The following MIPOL1 variants were observed in gnomAD, a reference collection of about 807,000 sequenced individuals.
MIPOL1 encodes mirror-image polydactyly gene 1 protein.
Under a neutral mutation model 60.9 loss-of-function variants are expected in MIPOL1, and 57 were observed. That is an observed-to-expected ratio of 0.94 (90% CI 0.76 to 1.17). The LOEUF is 1.17. Ranked by LOEUF, MIPOL1 falls within the 50% of genes most tolerant of loss-of-function variation. MIPOL1 has a pLI of 0.00. For synonymous variants in MIPOL1, 179 were observed against 168.8 expected, an observed-to-expected ratio of 1.06 and a Z score of -0.47; for missense variants, 551 against 511.6, an observed-to-expected ratio of 1.08 and a Z score of -0.74.
At chr14:37,469,343 A>G (rs1035138288) in intron 11 of MIPOL1, among the ~76,000 whole-genome samples, 1 of 152,086 alleles carries the variant, frequency 6.6e-6, no homozygotes, top group Non-Finnish European at 1.5e-5. Context: ...GGGGTGCTAC[A>G]TACTTTTAAA....
intron 11 of MIPOL1, among the ~76,000 whole-genome samples, chr14:37,425,789 T>G (rs1426457264): frequency 2.0e-5 from 3 of 151,834 alleles, no homozygotes; most frequent in Non-Finnish European, 4.4e-5. Flanking sequence ...GAAAAAAGAG[T>G]CAAATGTTAC....
intron 1 of MIPOL1, chr14:37,240,635 A>C (rs751841245): frequency 6.6e-6 from 1 of 152,176 alleles, no homozygotes; most frequent in Non-Finnish European, 1.5e-5. Flanking sequence ...AGTTTTGCTT[A>C]GGGCAAAACG....
chr14:37,237,604 A>T (rs983080953), intron 1 of MIPOL1, among the ~76,000 whole-genome samples: 31 of 152,094 alleles, frequency 2.0e-4, no homozygotes, highest in Non-Finnish European at 3.8e-4. Context: ...TTGACTTTTT[A>T]AAAAAAGTTT....
chr14:37,468,053 C>CAA (rs1231830627), intron 11 of MIPOL1, among the ~76,000 whole-genome samples: 12 of 101,788 alleles, frequency 1.2e-4, no homozygotes, highest in Admixed American at 6.9e-4. Context: ...GTCTCCATCT[C>CAA]AAAAAAAAAA....
At chr14:37,375,830 TC>T (rs2092761538) in intron 10 of MIPOL1, among the ~76,000 whole-genome samples, 1 of 152,046 alleles carries the variant, frequency 6.6e-6, no homozygotes, top group Non-Finnish European at 1.5e-5. Context: ...CAAGCAGTTC[TC>T]CTGCCTCAGC....
intron 3 of MIPOL1, chr14:37,265,209 T>A (rs532379431): frequency 1.3e-5 from 2 of 152,370 alleles, no homozygotes; most frequent in East Asian, 3.9e-4. Context: ...TTTGGCAGTT[T>A]GCTACTTCGC....
chr14:37,455,621 A>G (rs2094468464), intron 11 of MIPOL1, among the ~76,000 whole-genome samples: 1 of 152,012 alleles, frequency 6.6e-6, no homozygotes, highest in Non-Finnish European at 1.5e-5. Context: ...TCTCTTGTAA[A>G]TAACTTACTG....
intron 3 of MIPOL1, among the ~76,000 whole-genome samples, chr14:37,266,214 A>G (rs1489071443): frequency 1.3e-5 from 2 of 152,180 alleles, no homozygotes; most frequent in African/African-American, 4.8e-5. Flanking sequence ...AGGGGATCAC[A>G]AAATTTCACA....
intron 9 of MIPOL1, among the ~76,000 whole-genome samples, chr14:37,331,608 T>C (rs1234437214): frequency 6.6e-6 from 1 of 152,202 alleles, no homozygotes. Flanking sequence ...TAATTGTTTA[T>C]GTTGATTTTA....
rs141478117 is a variant in MIPOL1 at position 37,220,956 on chromosome 14, G to C, written c.-199+22852G>C. ...ACGCCCAGCTAATTGTTTTAAAAAA[G>C]TTTTTTCATAGAGATGGGGTCTTGC... On this transcript the variant is annotated intron_variant, in intron 1 of 12. Transcript: ENST00000684589. Among the ~76,000 whole-genome samples the C allele has an allele frequency of 6.2e-3, 947 of 151,924 alleles. 7 individuals are homozygous for C. Among genetic ancestry groups the C allele is most frequent in the African/African-American group, 0.02 (821 of 41,436 alleles).
intron 11 of MIPOL1, among the ~76,000 whole-genome samples, chr14:37,463,690 C>A (rs1341926897): frequency 6.6e-6 from 1 of 152,118 alleles, no homozygotes; most frequent in Non-Finnish European, 1.5e-5. Flanking sequence ...TTCCGGACAT[C>A]AGCCTAAGCA....
chr14:37,546,505 A>G (rs1047509009), intron 12 of MIPOL1, among the ~76,000 whole-genome samples: 2 of 152,208 alleles, frequency 1.3e-5, no homozygotes, highest in Non-Finnish European at 2.9e-5. Context: ...AACAGGTGAA[A>G]CATTGCTGAT....
At chr14:37,236,048 T>G (rs1971421356) in intron 1 of MIPOL1, among the ~76,000 whole-genome samples, 1 of 151,762 alleles carries the variant, frequency 6.6e-6, no homozygotes, top group African/African-American at 2.4e-5. Context: ...TGTCTCAGCC[T>G]CCTGAGTAGC....
intron 12 of MIPOL1, among the ~76,000 whole-genome samples, chr14:37,514,752 G>T (rs1254310283): frequency 1.3e-5 from 2 of 151,972 alleles, no homozygotes; most frequent in East Asian, 3.9e-4. Context: ...CTCCCCAGCA[G>T]CTGGGATTAC....
chr14:37,452,517 G>A (rs898060392), intron 11 of MIPOL1, among the ~76,000 whole-genome samples: 6 of 152,138 alleles, frequency 3.9e-5, no homozygotes, highest in Non-Finnish European at 7.4e-5. Flanking sequence ...TTCATTTGTA[G>A]GTGGGGCAGC....
chr14:37,375,454 G>A (rs1937045452), intron 10 of MIPOL1, among the ~76,000 whole-genome samples: 1 of 151,876 alleles, frequency 6.6e-6, no homozygotes, highest in African/African-American at 2.4e-5. Context: ...CACAGTGCGG[G>A]GATTACAGAC....
intron 4 of MIPOL1, among the ~76,000 whole-genome samples, chr14:37,267,560 C>T (rs1329817798): frequency 6.6e-6 from 1 of 151,552 alleles, no homozygotes; most frequent in Non-Finnish European, 1.5e-5. Flanking sequence ...CTTCCTCTTT[C>T]CTTCTTTCTT....
chr14:37,233,229 G>A (rs1387381437), intron 1 of MIPOL1, among the ~76,000 whole-genome samples: 1 of 152,148 alleles, frequency 6.6e-6, no homozygotes, highest in Non-Finnish European at 1.5e-5. Flanking sequence ...TTGTAATACA[G>A]ACACTACAAA....
At chr14:37,309,902 T>A (rs1465020466) in intron 9 of MIPOL1, among the ~76,000 whole-genome samples, 1 of 152,044 alleles carries the variant, frequency 6.6e-6, no homozygotes, top group Non-Finnish European at 1.5e-5. Context: ...TTGGCCAGGC[T>A]GGTCTTGAAC....
Sources: gnomAD v4.1 joint callset for allele counts (sites outside exome capture counted in the v4.1 genomes callset) on GRCh38, gnomAD v4.1.1 for gene constraint, MANE v1.5 for transcripts, NCBI Gene and HGNC (gene_info 2026-07-23, HGNC 2026-07-21) for gene names.